MED15: variants seen among roughly 807,000 people sequenced by gnomAD.
The protein encoded by MED15 is mediator of RNA polymerase II transcription subunit 15.
A neutral mutation model predicts 118.7 loss-of-function variants in MED15; 41 were observed. The ratio of observed to expected loss-of-function variants is 0.35; its 90% CI spans 0.27 to 0.45. MED15 has a LOEUF of 0.45. MED15 is among the 20% of genes least tolerant of loss of function. The pLI is 1.00. For synonymous variants in MED15, 436 were observed against 413.9 expected, an observed-to-expected ratio of 1.05 and a Z score of -0.65; for missense variants, 740 against 1,025.5, an observed-to-expected ratio of 0.72 and a Z score of 3.80.
chr22:20,530,659 G>A (rs765010903), intron 1 of MED15, among the ~76,000 whole-genome samples: 12 of 152,300 alleles, frequency 7.9e-5, no homozygotes, highest in Middle Eastern at 3.4e-3. Flanking sequence ...GAACCAGGGC[G>A]GTTGTGGAAG....
chr22:20,524,673 G>A (rs2054570906), intron 1 of MED15, among the ~76,000 whole-genome samples: 1 of 152,220 alleles, frequency 6.6e-6, no homozygotes, highest in Admixed American at 6.5e-5. Context: ...CCAGGCTGGA[G>A]TGCAGTGGCA....
chr22:20,554,170 G>A (rs1569212704), intron 4 of MED15: 1 of 152,438 alleles, frequency 6.6e-6, no homozygotes, highest in South Asian at 2.1e-4. Flanking sequence ...CGGCAGCAAG[G>A]GCATGTGGCC....
At chr22:20,519,048 T>G (rs1172638269) in intron 1 of MED15, 2 of 343,862 alleles carry the variant, frequency 5.8e-6, no homozygotes, top group Non-Finnish European at 1.1e-5. Context: ...GAGTAAGGGT[T>G]TTGCCATGTT....
chr22:20,511,837 C>T (rs2054075082), intron 1 of MED15, among the ~76,000 whole-genome samples: 1 of 152,098 alleles, frequency 6.6e-6, no homozygotes, highest in Non-Finnish European at 1.5e-5. Flanking sequence ...TGCCCTGCTG[C>T]AGAACAATCA....
intron 1 of MED15, 197 bp downstream of exon 1, chr22:20,507,943 G>A: frequency 6.9e-7 from 1 of 1,441,640 alleles, no homozygotes. Context: ...TGCTTTCCTG[G>A]GGCCGAGCTC....
At chr22:20,541,882 T>C (rs2055328313) in intron 2 of MED15, among the ~76,000 whole-genome samples, 1 of 152,162 alleles carries the variant, frequency 6.6e-6, no homozygotes, top group African/African-American at 2.4e-5. Flanking sequence ...TCTCTTGACT[T>C]TGTGATCCAC....
chr22:20,568,410 T>C, intron 7 of MED15, 111 bp from the exon 8 acceptor site: 2 of 1,462,358 alleles, frequency 1.4e-6, no homozygotes, highest in South Asian at 2.6e-5. Flanking sequence ...GTCATGAAAG[T>C]CCCATTCCTC....
At chr22:20,514,179 A>G (rs2054175688) in intron 1 of MED15, among the ~76,000 whole-genome samples, 1 of 152,092 alleles carries the variant, frequency 6.6e-6, no homozygotes, top group Non-Finnish European at 1.5e-5. Flanking sequence ...TTGACTCTTT[A>G]TTGAACATCT....
intron 1 of MED15, chr22:20,508,337 CAGT>C: frequency 7.7e-7 from 1 of 1,304,240 alleles, no homozygotes; most frequent in Non-Finnish European, 1.0e-6. Context: ...GAGCTGGGGT[CAGT>C]GGCCCCGCTC....
chr22:20,552,978 G>T, intron 3 of MED15, 167 bp from the exon 4 acceptor site: 1 of 625,358 alleles, frequency 1.6e-6, no homozygotes. Flanking sequence ...CTCTTGTGGG[G>T]TCAGCGCTGC....
intron 9 of MED15, among the ~76,000 whole-genome samples, chr22:20,578,034 C>G (rs920438097): frequency 5.9e-5 from 9 of 152,182 alleles, no homozygotes; most frequent in African/African-American, 2.2e-4. Context: ...AAGCGATTCT[C>G]CTGCCTCAGC....
intron 1 of MED15, among the ~76,000 whole-genome samples, chr22:20,515,830 T>C (rs554193607): frequency 6.6e-6 from 1 of 150,950 alleles, no homozygotes; most frequent in African/African-American, 2.4e-5. Flanking sequence ...TAATAAAACC[T>C]CGTCTCTACT....
intron 5 of MED15, among the ~76,000 whole-genome samples, chr22:20,561,406 G>A (rs1011401485): frequency 6.6e-6 from 1 of 152,020 alleles, no homozygotes; most frequent in Non-Finnish European, 1.5e-5. Flanking sequence ...TGTAATCCCA[G>A]CTACTTGGGA....
At chr22:20,509,705 T>G (rs890762714) in intron 1 of MED15, among the ~76,000 whole-genome samples, 6 of 152,136 alleles carry the variant, frequency 3.9e-5, no homozygotes, top group African/African-American at 1.4e-4. Context: ...TTGGGAAGAA[T>G]AGCCTTGGGA....
At chr22:20,510,111 G>T (rs906049504) in intron 1 of MED15, among the ~76,000 whole-genome samples, 1 of 152,136 alleles carries the variant, frequency 6.6e-6, no homozygotes, top group African/African-American at 2.4e-5. Context: ...CTTTAGCCAG[G>T]TGTGGTGGCT....
At chr22:20,525,583 C>T (rs1275474880) in intron 1 of MED15, among the ~76,000 whole-genome samples, 1 of 141,728 alleles carries the variant, frequency 7.1e-6, no homozygotes, top group African/African-American at 2.7e-5. Context: ...GTTGCCCAGG[C>T]TGGAGTACAG....
intron 9 of MED15, among the ~76,000 whole-genome samples, chr22:20,576,049 C>T (rs981101602): frequency 3.3e-5 from 5 of 151,610 alleles, no homozygotes; most frequent in African/African-American, 9.8e-5. Flanking sequence ...CAGGAATTCC[C>T]GGCTTCTTTT....
chr22:20,509,830 C>T (rs2054002479), intron 1 of MED15, among the ~76,000 whole-genome samples: 1 of 151,944 alleles, frequency 6.6e-6, no homozygotes, highest in African/African-American at 2.4e-5. Flanking sequence ...GAAAAGTCCC[C>T]AGGGCAAGGG....
chr22:20,553,790 G>C (rs1297868605), intron 4 of MED15, among the ~76,000 whole-genome samples: 1 of 152,210 alleles, frequency 6.6e-6, no homozygotes, highest in African/African-American at 2.4e-5. Context: ...AGAATCGCTT[G>C]AACCTGGGAG....
Sources: gnomAD v4.1 joint callset for allele counts (sites outside exome capture counted in the v4.1 genomes callset) on GRCh38, gnomAD v4.1.1 for gene constraint, MANE v1.5 for transcripts, NCBI Gene and HGNC (gene_info 2026-07-23, HGNC 2026-07-21) for gene names.